Variants in SLC30A7 observed in about 807,000 individuals in gnomAD.
The protein encoded by SLC30A7 is solute carrier family 30 member 7.
A neutral mutation model predicts 46.0 loss-of-function variants in SLC30A7; 35 were observed. The ratio of observed to expected loss-of-function variants is 0.76; its 90% CI spans 0.58 to 1.01. The LOEUF (loss-of-function observed/expected upper bound fraction) is 1.01, where lower values mean the gene tolerates loss of function less well. Among genes scored for constraint, SLC30A7 ranks in the 50% least tolerant of loss-of-function variants. The probability of loss-of-function intolerance (pLI) is 0.00; values close to 1 mark genes in which losing one functional copy is unlikely to be tolerated. For synonymous variants in SLC30A7, 147 were observed against 157.8 expected (o/e 0.93, Z 0.51); for missense variants, 464 against 451.1 (o/e 1.03, Z -0.26).
chr1:100,936,164 T>A (rs1653953416), intron 8 of SLC30A7, among the ~76,000 whole-genome samples: 1 of 152,158 alleles, frequency 6.6e-6, no homozygotes, highest in Non-Finnish European at 1.5e-5. Context: ...AATTACATGC[T>A]TTTCTTTTGT....
rs766392959 is a variant in SLC30A7, at chr1:100,896,203, A to G, written c.-60A>G. 1 of 1,493,914 alleles carries G rather than the reference A, an allele frequency of 6.7e-7. No individual in the cohort carries two copies. 92.5% of individuals were successfully genotyped at this position (1,493,914 alleles called of 1,614,324 possible). A position where few individuals can be genotyped will look rare whatever the true frequency, so the allele number is the denominator to read the frequency against. ...TTGAGGCGTCACTACTGTCACTGCC[A>G]TCACCCCACGGAGCCACTTCTAGAG... is the stretch of plus-strand genomic sequence containing the variant. On this transcript the variant is annotated 5_prime_UTR_variant, in exon 1 of 11. Transcript: ENST00000357650.
chr1:100,966,481 A>C (rs1347260415), intron 10 of SLC30A7, among the ~76,000 whole-genome samples: 1 of 151,592 alleles, frequency 6.6e-6, no homozygotes, highest in Non-Finnish European at 1.5e-5. Flanking sequence ...GCTACTTGGG[A>C]GGCTGAGGCA....
At chr1:100,951,107 G>A (rs1654927062) in intron 8 of SLC30A7, among the ~76,000 whole-genome samples, 2 of 152,172 alleles carry the variant, frequency 1.3e-5, no homozygotes, top group Admixed American at 1.3e-4. Context: ...AAAAGTGAGG[G>A]AGTGTGAATC....
intron 8 of SLC30A7, among the ~76,000 whole-genome samples, chr1:100,931,811 T>C (rs1054868707): frequency 1.3e-4 from 20 of 152,230 alleles, no homozygotes; most frequent in African/African-American, 4.8e-4. Context: ...GAATTCATTG[T>C]TGAAATGTAT....
chr1:100,922,048 G>A lies in SLC30A7; in HGVS notation c.842+207G>A, dbSNP rs144425370. Among the ~76,000 whole-genome samples the A allele has an allele frequency of 4.8e-3, 719 of 151,154 alleles. 9 individuals are homozygous for A. The highest frequency in any genetic ancestry group is 0.017 in the African/African-American group (696 of 41,090). On this transcript the variant is annotated intron_variant, in intron 8 of 10. Transcript: ENST00000357650. The stretch of plus-strand genomic sequence containing the variant: ...GGCTCATAGCCATCTCTGCCTCCTG[G>A]GTTGAAGCAATTCTCCTGCGTCAGC...
chr1:100,898,777 G>T (rs183996503), intron 2 of SLC30A7, among the ~76,000 whole-genome samples: 1 of 152,200 alleles, frequency 6.6e-6, no homozygotes, highest in Admixed American at 6.5e-5. Flanking sequence ...CTGTGTTCCT[G>T]TAGGTTATAT....
chr1:100,909,043 ATGTGTGTGTGTG>A (rs72292631), intron 3 of SLC30A7, among the ~76,000 whole-genome samples: 10 of 148,260 alleles, frequency 6.7e-5, no homozygotes, highest in South Asian at 2.1e-4. Context: ...TCCTCTCTTT[ATGTGTGTGTGTG>A]TGTGTGTGTG....
the SLC30A7 span, chr1:100,989,647 T>C: frequency 2.0e-5 from 3 of 152,352 alleles, no homozygotes; most frequent in East Asian, 5.8e-4. Flanking sequence ...ACTAATCTTT[T>C]ATTTGCTTTT....
At chr1:100,919,509 A>G (rs368732480) in intron 7 of SLC30A7, among the ~76,000 whole-genome samples, 1 of 152,280 alleles carries the variant, frequency 6.6e-6, no homozygotes, top group Non-Finnish European at 1.5e-5. Flanking sequence ...GTGTCTTCCA[A>G]TCACAGGTTT....
At chr1:100,934,951 A>G (rs995098035) in intron 8 of SLC30A7, among the ~76,000 whole-genome samples, 1 of 152,090 alleles carries the variant, frequency 6.6e-6, no homozygotes, top group East Asian at 1.9e-4. Context: ...AGTCGTGATC[A>G]CGCCACTGCC....
intron 8 of SLC30A7, among the ~76,000 whole-genome samples, chr1:100,956,961 G>T (rs1042880884): frequency 6.6e-6 from 1 of 152,134 alleles, no homozygotes; most frequent in Non-Finnish European, 1.5e-5. Context: ...TGCCTTCTCT[G>T]CAGGCTTATT....
intron 8 of SLC30A7, among the ~76,000 whole-genome samples, chr1:100,937,915 T>C (rs61780299): frequency 0.13 from 19,232 of 152,218 alleles, 1,391 homozygotes; most frequent in Non-Finnish European, 0.17. Context: ...TTTTTATATA[T>C]GGTGTGAGGT....
chr1:100,899,674 C>T (rs945652625), intron 2 of SLC30A7, among the ~76,000 whole-genome samples: 18 of 152,084 alleles, frequency 1.2e-4, no homozygotes, highest in African/African-American at 3.4e-4. Context: ...CAGAGTAATA[C>T]TCTGTTTCAA....
chr1:100,971,530 A>G (rs1016333094), intron 10 of SLC30A7, among the ~76,000 whole-genome samples: 6 of 152,094 alleles, frequency 3.9e-5, no homozygotes, highest in African/African-American at 9.7e-5. Context: ...AATCCATATG[A>G]TTTAAGTGTT....
At chr1:100,926,192 A>T (rs1417088065) in intron 8 of SLC30A7, among the ~76,000 whole-genome samples, 1 of 152,242 alleles carries the variant, frequency 6.6e-6, no homozygotes, top group East Asian at 1.9e-4. Context: ...TCTTTTTGTT[A>T]TTGTTAAGCT....
At position 100,978,026 on chromosome 1, in the gene SLC30A7, C is replaced by T. The variant is rs41312668; in HGVS notation, c.*3169C>T. On this transcript the variant is annotated 3_prime_UTR_variant, in exon 11 of 11. Transcript: ENST00000357650. ...GCCTCGGCCTCCCAAAGTGCTGAGA[C>T]TACAGGTGTGAGCCACCGTGCTCAG... The T allele has an allele frequency of 0.28, 42,099 of 152,190 alleles. 6,071 individuals are homozygous for T. Among genetic ancestry groups the T allele is most frequent in the African/African-American group, 0.35 (14,676 of 41,470 alleles). The allele number at this position is 152,190 out of a possible 1,614,324, so 9.4% of individuals were successfully genotyped here.
the SLC30A7 span, chr1:100,992,845 TTC>T: frequency 1.5e-6 from 1 of 677,534 alleles, no homozygotes; most frequent in Admixed American, 2.4e-5. Context: ...ACAGTCTACA[TTC>T]TGTTTGATGT....
At chr1:100,968,736 A>G (rs1655996947) in intron 10 of SLC30A7, among the ~76,000 whole-genome samples, 1 of 152,180 alleles carries the variant, frequency 6.6e-6, no homozygotes, top group Admixed American at 6.5e-5. Context: ...AAGCAGAATT[A>G]CTTTATCCTA....
At chr1:100,917,270 A>G (rs531183478) in intron 6 of SLC30A7, among the ~76,000 whole-genome samples, 34 of 152,198 alleles carry the variant, frequency 2.2e-4, no homozygotes, top group African/African-American at 6.8e-4. Context: ...CAGCAGTACA[A>G]TATCTAGATA....
Sources: allele counts gnomAD v4.1 joint callset (sites outside exome capture counted in the v4.1 genomes callset), GRCh38; gene constraint gnomAD v4.1.1; transcripts MANE v1.5; gene names NCBI Gene and HGNC (gene_info 2026-07-23, HGNC 2026-07-21).